NUDC: variants seen among roughly 807,000 people sequenced by gnomAD.
The protein encoded by NUDC is nuclear distribution C, dynein complex regulator.
A neutral mutation model predicts 45.0 loss-of-function variants in NUDC; 14 were observed. The observed-to-expected ratio is 0.31, with a 90% CI of 0.21 to 0.49. The LOEUF is 0.49. Ranked by LOEUF, NUDC falls within the 20% of genes least tolerant of loss-of-function variation. The pLI is 0.99. For missense variants in NUDC, 323 were observed against 426.2 expected (o/e 0.76, Z 2.13); for synonymous variants, 153 against 156.7 (o/e 0.98, Z 0.17).
intron 2 of NUDC, among the ~76,000 whole-genome samples, chr1:26,925,632 T>G (rs534884838): frequency 6.6e-6 from 1 of 152,178 alleles, no homozygotes; most frequent in Admixed American, 6.5e-5. Flanking sequence ...GATTTCTGTT[T>G]TGTAGTATTG....
At chr1:26,900,453 C>G in intron 1 of NUDC, 2 of 1,604,324 alleles carry the variant, frequency 1.2e-6, no homozygotes, top group Non-Finnish European at 1.7e-6. Flanking sequence ...CTTGGATTGT[C>G]ACATGATCAG....
chr1:26,924,220 G>A, intron 2 of NUDC, 54 bp downstream of exon 2: 1 of 1,470,016 alleles, frequency 6.8e-7, no homozygotes, highest in Non-Finnish European at 9.5e-7. Context: ...CAGAAGAAAA[G>A]CTCACCTGGC....
At chr1:26,938,435 G>C (rs1360974110) in intron 2 of NUDC, among the ~76,000 whole-genome samples, 1 of 152,166 alleles carries the variant, frequency 6.6e-6, no homozygotes, top group Non-Finnish European at 1.5e-5. Context: ...CTCTGATTAG[G>C]GACTTAGGAC....
chr1:26,919,529 G>A (rs2124085318), upstream of NUDC, among the ~76,000 whole-genome samples: 1 of 152,246 alleles, frequency 6.6e-6, no homozygotes, highest in African/African-American at 2.4e-5. Context: ...GTTGTCCTGG[G>A]AATCATTTAT....
At chr1:26,943,962 C>T (rs1417045259) in intron 6 of NUDC, among the ~76,000 whole-genome samples, 6 of 151,272 alleles carry the variant, frequency 4.0e-5, no homozygotes, top group Non-Finnish European at 8.9e-5. Flanking sequence ...ACTGCGAGCT[C>T]CGCCTCCTGG....
In NUDC at chr1:26,902,022, C is replaced by T. The variant is rs570610230; in HGVS notation, c.-100-260C>T. Among the ~76,000 whole-genome samples the T allele has an allele frequency of 1.4e-4, 22 of 152,272 alleles. No individual in the cohort carries two copies. The South Asian group carries it at 4.6e-3, about 32-fold the overall frequency. On this transcript the variant is annotated intron_variant, in intron 1 of 6. Coordinates refer to the NUDC transcript ENST00000435827. ...GACTTATTGATAATGTTGACTTTTA[C>T]CCAAGCCCTGTGATCCTGGAAAACT...
intron 3 of NUDC, among the ~76,000 whole-genome samples, chr1:26,912,779 A>T (rs997857885): frequency 6.6e-6 from 1 of 152,124 alleles, no homozygotes; most frequent in African/African-American, 2.4e-5. Context: ...TCCTTTGAGG[A>T]TGTGACTGAG....
At chr1:26,926,828 A>T (rs2082136541) in intron 2 of NUDC, among the ~76,000 whole-genome samples, 1 of 151,944 alleles carries the variant, frequency 6.6e-6, no homozygotes, top group Admixed American at 6.6e-5. Context: ...CAAACTCCTG[A>T]CCTCAGGTGA....
At chr1:26,934,324 C>G (rs913437419) in intron 2 of NUDC, among the ~76,000 whole-genome samples, 1 of 152,188 alleles carries the variant, frequency 6.6e-6, no homozygotes. Context: ...TGTGAGAACT[C>G]ACTCGTATCA....
chr1:26,935,194 C>T (rs1297418423), intron 2 of NUDC, among the ~76,000 whole-genome samples: 1 of 150,892 alleles, frequency 6.6e-6, no homozygotes, highest in Non-Finnish European at 1.5e-5. Context: ...GTTGGCCAAC[C>T]TGGTCTCGAA....
upstream of NUDC, among the ~76,000 whole-genome samples, chr1:26,921,009 A>G (rs1261210534): frequency 6.6e-6 from 1 of 152,212 alleles, no homozygotes; most frequent in Non-Finnish European, 1.5e-5. Context: ...TTTGTGATGC[A>G]TAAGCTAAAA....
In NUDC at chr1:26,946,269, A is replaced by T. The variant is rs563069406; in HGVS notation, c.*88A>T. On this transcript the variant is annotated 3_prime_UTR_variant, in exon 9 of 9. Coordinates refer to ENST00000321265, the MANE Select transcript of NUDC (RefSeq NM_006600.4). ...CTCTTCTCTGGGACTTGTGGGCCTC[A>T]GGGCTTGGGGCAGGCATGGGACTGG... 1 of 1,209,236 alleles carries T rather than the reference A, an allele frequency of 8.3e-7. No individual in the cohort carries two copies. Among genetic ancestry groups the T allele is most frequent in the South Asian group, 1.2e-5 (1 of 82,588 alleles). 74.9% of individuals were successfully genotyped at this position (1,209,236 alleles called of 1,614,324 possible).
intron 6 of NUDC, among the ~76,000 whole-genome samples, chr1:26,944,198 C>A (rs2082301314): frequency 6.6e-6 from 1 of 151,854 alleles, no homozygotes; most frequent in Non-Finnish European, 1.5e-5. Context: ...CCAGCCCTTT[C>A]CCTGCCTTTT....
At chr1:26,906,408 C>T (rs1048420649) in intron 2 of NUDC, among the ~76,000 whole-genome samples, 1 of 151,992 alleles carries the variant, frequency 6.6e-6, no homozygotes, top group Non-Finnish European at 1.5e-5. Context: ...CGAGATCGCA[C>T]CACAGCACTC....
chr1:26,941,854 A>G (rs998666413), intron 4 of NUDC, 36 bp downstream of exon 4: 2 of 1,601,320 alleles, frequency 1.2e-6, no homozygotes, highest in African/African-American at 1.3e-5. Flanking sequence ...ATGAGCCAGG[A>G]GCTTGGAACT....
intron 2 of NUDC, among the ~76,000 whole-genome samples, chr1:26,929,089 A>G (rs1278151273): frequency 2.0e-5 from 3 of 152,178 alleles, no homozygotes; most frequent in African/African-American, 7.2e-5. Flanking sequence ...TTAAAAGGGA[A>G]AGAAATCCTG....
chr1:26,906,740 T>C (rs956176809), intron 2 of NUDC, among the ~76,000 whole-genome samples: 2 of 152,002 alleles, frequency 1.3e-5, no homozygotes, highest in Admixed American at 1.3e-4. Context: ...TCCCAGCTAC[T>C]CGGGAGGCTG....
At chr1:26,900,674 C>T (rs2081973936) in intron 1 of NUDC, among the ~76,000 whole-genome samples, 1 of 152,092 alleles carries the variant, frequency 6.6e-6, no homozygotes, top group African/African-American at 2.4e-5. Context: ...TTTCATAAAG[C>T]TCTCATGAGG....
At chr1:26,941,912 T>C in intron 4 of NUDC, 94 bp downstream of exon 4, 3 of 1,141,452 alleles carry the variant, frequency 2.6e-6, no homozygotes, top group Non-Finnish European at 3.9e-6. Context: ...CCCTTCCTTA[T>C]CCTATCCCCT....
Sources: gnomAD v4.1 joint callset for allele counts (sites outside exome capture counted in the v4.1 genomes callset) on GRCh38, gnomAD v4.1.1 for gene constraint, MANE v1.5 for transcripts, NCBI Gene and HGNC (gene_info 2026-07-23, HGNC 2026-07-21) for gene names.